PIGN: variants seen among roughly 807,000 people sequenced by gnomAD.
PIGN encodes the protein GPI ethanolamine phosphate transferase 1.
In PIGN, 117 loss-of-function variants were observed where a neutral mutation model predicts 125.4. The ratio of observed to expected loss-of-function variants is 0.93; its 90% CI spans 0.80 to 1.09. The LOEUF is 1.09. Among genes scored for constraint, PIGN ranks in the 50% least tolerant of loss-of-function variants. The probability of loss-of-function intolerance (pLI) is 0.00; values close to 1 mark genes in which losing one functional copy is unlikely to be tolerated. For missense variants in PIGN, 1,075 were observed against 1,094.9 expected (o/e 0.98, Z 0.26); for synonymous variants, 392 against 377.8 (o/e 1.04, Z -0.44).
At chr18:62,175,993 A>G (rs1158864427) in intron 1 of PIGN, among the ~76,000 whole-genome samples, 1 of 152,114 alleles carries the variant, frequency 6.6e-6, no homozygotes, top group Admixed American at 6.5e-5. Context: ...TACAGGCTCT[A>G]TTGTCTCAAA....
intron 10 of PIGN, among the ~76,000 whole-genome samples, chr18:62,145,542 G>GA (rs34015339): frequency 6.6e-6 from 1 of 152,078 alleles, no homozygotes; most frequent in Non-Finnish European, 1.5e-5. Flanking sequence ...TGTTTGGGTT[G>GA]AAAAATCTCA....
intron 30 of PIGN, among the ~76,000 whole-genome samples, chr18:62,060,469 G>T (rs976498830): frequency 6.6e-6 from 1 of 152,198 alleles, no homozygotes; most frequent in African/African-American, 2.4e-5. Context: ...GGCAGAAAAA[G>T]TCTGAGAATC....
intron 30 of PIGN, among the ~76,000 whole-genome samples, chr18:62,055,714 T>C (rs911613783): frequency 1.3e-5 from 2 of 152,062 alleles, no homozygotes; most frequent in African/African-American, 4.8e-5. Flanking sequence ...TCTATAATAA[T>C]GTTAAAATGA....
rs2840359 is a variant in PIGN, at chr18:62,106,953, T to C, written c.1674+33A>G. 0.22 allele frequency: 338,333 copies of C among 1,537,016 alleles called. 41,186 individuals carry two copies. The highest frequency in any genetic ancestry group is 0.25 in the Non-Finnish European group (283,165 of 1,129,546). On this transcript the variant is annotated intron_variant, in intron 18 of 30. Coordinates refer to ENST00000640252, the MANE Select transcript of PIGN (RefSeq NM_176787.5). The stretch of plus-strand genomic sequence containing the variant: ...ACTAGTTACAAATATATAAAAGAAA[T>C]TTGCAAATGTTGTAATCTGGTAAGT...
chr18:62,152,660 T>C (rs1244691023), intron 7 of PIGN, among the ~76,000 whole-genome samples: 1 of 152,184 alleles, frequency 6.6e-6, no homozygotes, highest in African/African-American at 2.4e-5. Context: ...TACAATCTCA[T>C]GTAATTTTTG....
chr18:62,161,889 A>AT (rs10713878), intron 3 of PIGN, among the ~76,000 whole-genome samples: 22 of 151,050 alleles, frequency 1.5e-4, no homozygotes, highest in African/African-American at 2.2e-4. Flanking sequence ...AATATTTGTG[A>AT]TTTTTTTTTT....
At chr18:62,137,948 C>T (rs375053126) in intron 14 of PIGN, 3 of 297,234 alleles carry the variant, frequency 1.0e-5, no homozygotes, top group South Asian at 6.2e-5. Flanking sequence ...AAGTCACACT[C>T]GTTCCTGCCC....
At chr18:62,025,520 C>A (rs1415164956) in intron 23 of PIGN, among the ~76,000 whole-genome samples, 1 of 152,162 alleles carries the variant, frequency 6.6e-6, no homozygotes, top group Non-Finnish European at 1.5e-5. Context: ...AAGCTGGAAG[C>A]ACAGCCAGGG....
At position 62,162,301 on chromosome 18, in the gene PIGN, G is replaced by T. The variant is rs2147640595; in HGVS notation, c.-81C>A. 6.6e-6 allele frequency: 1 copy of T among 152,180 alleles called. No individual in the cohort carries two copies. Among genetic ancestry groups the T allele is most frequent in the South Asian group, 2.1e-4 (1 of 4,828 alleles). The allele number at this position is 152,180 out of a possible 1,614,324, so 9.4% of individuals were successfully genotyped here. On this transcript the variant is annotated 5_prime_UTR_variant, in exon 3 of 31. It adds an upstream start codon to the 5' untranslated region. Transcript: ENST00000640252. ...GAACATGGGAGTACTTTCCAAGCCAGTGTGTAATTTGCTATTGTTGGTGAA... is the reference window on the plus strand; with the variant it reads ...GAACATGGGAGTACTTTCCAAGCCATTGTGTAATTTGCTATTGTTGGTGAA...
In PIGN at chr18:62,090,559, G is replaced by A. The variant is rs1330818222; in HGVS notation, c.2200C>T (p.Leu734=). The A allele has an allele frequency of 1.2e-6, 2 of 1,606,302 alleles. No homozygotes were observed. Among genetic ancestry groups the A allele is most frequent in the South Asian group, 1.1e-5 (1 of 90,606 alleles). The change falls in exon 24 of 31, where the codon CTA becomes TTA. Residue 734 remains leucine, a synonymous_variant. Coordinates refer to ENST00000640252, the MANE Select transcript of PIGN (RefSeq NM_176787.5). ...LSTGYEALFP[L]VLSCLMFVWI... ...ACAAACATCAAACAAGACAACACTA[G>A]TGGAAAGAGAGCTTCATACCTAACA...
intron 30 of PIGN, among the ~76,000 whole-genome samples, chr18:62,058,169 T>C (rs1018837174): frequency 2.6e-5 from 4 of 152,244 alleles, no homozygotes. Flanking sequence ...CTTTCTGTCT[T>C]CCTCACTCTC....
At chr18:62,107,813 A>G (rs1761221368) in intron 17 of PIGN, among the ~76,000 whole-genome samples, 1 of 152,180 alleles carries the variant, frequency 6.6e-6, no homozygotes, top group African/African-American at 2.4e-5. Flanking sequence ...AAATAAAGGT[A>G]GGGTTTCCTA....
At chr18:62,099,152 C>G (rs868019231) in intron 22 of PIGN, among the ~76,000 whole-genome samples, 12 of 151,880 alleles carry the variant, frequency 7.9e-5, no homozygotes, top group African/African-American at 1.9e-4. Context: ...AAAAAATTGT[C>G]GAATTGGCAT....
chr18:62,102,340 G>C (rs940262341), intron 21 of PIGN, among the ~76,000 whole-genome samples: 1 of 148,262 alleles, frequency 6.7e-6, no homozygotes, highest in Non-Finnish European at 1.5e-5. Context: ...GAAACATCAA[G>C]TTCAAAGTTA....
intron 12 of PIGN, 111 bp downstream of exon 12, chr18:62,140,309 C>T (rs2147167236): frequency 2.0e-6 from 1 of 508,934 alleles, no homozygotes; most frequent in Non-Finnish European, 3.5e-6. Context: ...TAGCAAGACC[C>T]CATCTAAAAA....
At chr18:62,129,108 G>A (rs1683050133) in intron 14 of PIGN, among the ~76,000 whole-genome samples, 1 of 152,056 alleles carries the variant, frequency 6.6e-6, no homozygotes, top group Non-Finnish European at 1.5e-5. Flanking sequence ...GGCGTGCTGA[G>A]GGCTGCTCAC....
At chr18:62,164,066 A>T (rs1672440858) in intron 1 of PIGN, among the ~76,000 whole-genome samples, 1 of 152,204 alleles carries the variant, frequency 6.6e-6, no homozygotes, top group Non-Finnish European at 1.5e-5. Flanking sequence ...TGTTTTGGTT[A>T]TCCAGTCACT....
chr18:62,040,795 A>C (rs1043420225), downstream of PIGN, among the ~76,000 whole-genome samples: 1 of 152,232 alleles, frequency 6.6e-6, no homozygotes, highest in African/African-American at 2.4e-5. Flanking sequence ...GGGATATTCG[A>C]GGTAACAGTT....
intron 14 of PIGN, among the ~76,000 whole-genome samples, chr18:62,127,433 C>T (rs907884918): frequency 9.2e-5 from 14 of 151,860 alleles, no homozygotes; most frequent in Admixed American, 2.0e-4. Flanking sequence ...CTATTGAATG[C>T]GTATAGCTTT....
Sources: gnomAD v4.1 joint callset for allele counts (sites outside exome capture counted in the v4.1 genomes callset) on GRCh38, gnomAD v4.1.1 for gene constraint, MANE v1.5 for transcripts, NCBI Gene and HGNC (gene_info 2026-07-23, HGNC 2026-07-21) for gene names.